CLOCK: variants seen among roughly 807,000 people sequenced by gnomAD.
CLOCK encodes the protein clock circadian regulator, also known as circadian locomoter output cycles protein kaput.
CLOCK carries 43 observed loss-of-function variants against 118.4 expected under a neutral mutation model. That is an observed-to-expected ratio of 0.36 (90% CI 0.28 to 0.47). The LOEUF (loss-of-function observed/expected upper bound fraction) is 0.47, where lower values mean the gene tolerates loss of function less well. CLOCK is among the 20% of genes least tolerant of loss of function. CLOCK has a pLI of 1.00. For missense variants in CLOCK, 846 were observed against 999.9 expected, an observed-to-expected ratio of 0.85 and a Z score of 2.08; for synonymous variants, 326 against 339.2, an observed-to-expected ratio of 0.96 and a Z score of 0.43.
In CLOCK at chr4:55,433,009, G is replaced by A. The variant is rs1722620703; in HGVS notation, c.*2406C>T. 1 of 152,570 alleles carries A rather than the reference G, an allele frequency of 6.6e-6. No homozygotes were observed. The highest frequency in any genetic ancestry group is 1.5e-5 in the Non-Finnish European group (1 of 68,040). The allele number at this position is 152,570 out of a possible 1,614,324, so 9.5% of individuals were successfully genotyped here. On this transcript the variant is annotated 3_prime_UTR_variant, in exon 23 of 23. Coordinates refer to ENST00000513440, the MANE Select transcript of CLOCK (RefSeq NM_004898.4). ...TTTTAAGTGTGGTATGTAGAGGACA[G>A]GCCTCAATATAATAGTTCTTCATAT...
intron 9 of CLOCK, among the ~76,000 whole-genome samples, chr4:55,461,836 C>T (rs1372302027): frequency 1.3e-5 from 2 of 152,172 alleles, no homozygotes; most frequent in Non-Finnish European, 2.9e-5. Context: ...AACAAAACTA[C>T]CCAAATCTCC....
chr4:55,428,166 G>A lies in CLOCK; in HGVS notation c.*7249C>T, dbSNP rs1722314443. 6.6e-6 allele frequency: 1 copy of A among 152,172 alleles called. No individual in the cohort carries two copies. The highest frequency in any genetic ancestry group is 2.1e-4 in the South Asian group (1 of 4,828). The allele number at this position is 152,172 out of a possible 1,614,324, so 9.4% of individuals were successfully genotyped here. A position where few individuals can be genotyped will look rare whatever the true frequency, so the allele number is the denominator to read the frequency against. On this transcript the variant is annotated 3_prime_UTR_variant, in exon 23 of 23. Transcript: ENST00000513440. ...GAATACATGACAAGAGTATGGGAAAGAGCAGAATAATAGTACACGCAGTTT... is the reference window on the plus strand; with the variant it reads ...GAATACATGACAAGAGTATGGGAAAAAGCAGAATAATAGTACACGCAGTTT...
At chr4:55,482,674 C>T in intron 4 of CLOCK, 65 bp downstream of exon 4, 2 of 1,067,540 alleles carry the variant, frequency 1.9e-6, no homozygotes, top group Non-Finnish European at 2.7e-6. Context: ...TCATATAGAC[C>T]ATTATTCTAA....
intron 9 of CLOCK, among the ~76,000 whole-genome samples, chr4:55,462,825 G>C (rs1725439724): frequency 6.9e-6 from 1 of 144,848 alleles, no homozygotes; most frequent in South Asian, 2.4e-4. Context: ...TCTTACCAAA[G>C]TTATAGATAC....
At chr4:55,440,050 C>G (rs1451665311) in intron 21 of CLOCK, among the ~76,000 whole-genome samples, 4 of 151,886 alleles carry the variant, frequency 2.6e-5, no homozygotes, top group African/African-American at 9.7e-5. Flanking sequence ...AAACCTTTTT[C>G]TTTTTATAAA....
intron 14 of CLOCK, 92 bp downstream of exon 14, chr4:55,453,585 T>C: frequency 9.7e-7 from 1 of 1,035,438 alleles, no homozygotes; most frequent in Non-Finnish European, 1.5e-6. Flanking sequence ...GAGCACTTTG[T>C]AGCTCTTTAA....
intron 1 of CLOCK, among the ~76,000 whole-genome samples, chr4:55,531,992 T>C (rs7657206): frequency 0.033 from 4,950 of 151,462 alleles, 278 homozygotes; most frequent in African/African-American, 0.11. Flanking sequence ...AAGTGGGATT[T>C]ATACCAGAAA....
Position 55,434,518 on chromosome 4 carries a change from C to T in CLOCK, c.*897G>A, listed in dbSNP as rs3749474. 51,426 of 152,110 alleles carry T rather than the reference C, an allele frequency of 0.34. 9,387 individuals carry two copies. The highest frequency in any genetic ancestry group is 0.58 in the East Asian group (3,017 of 5,158). 9.4% of individuals were successfully genotyped at this position (152,110 alleles called of 1,614,324 possible). A position where few individuals can be genotyped will look rare whatever the true frequency, so the allele number is the denominator to read the frequency against. ...AAGCAGTGCAAATCCTATTTTCAAACATAATTGAAAAATAATGAAATGAGG... is the reference window on the plus strand; with the variant it reads ...AAGCAGTGCAAATCCTATTTTCAAATATAATTGAAAAATAATGAAATGAGG... On this transcript the variant is annotated 3_prime_UTR_variant, in exon 23 of 23. Coordinates refer to ENST00000513440, the MANE Select transcript of CLOCK (RefSeq NM_004898.4).
intron 1 of CLOCK, among the ~76,000 whole-genome samples, chr4:55,512,776 A>AC (rs1247258021): frequency 6.6e-6 from 1 of 152,096 alleles, no homozygotes; most frequent in African/African-American, 2.4e-5. Context: ...ATTTTTTTGC[A>AC]CATAGACAGT....
At chr4:55,499,344 G>T (rs1340785990) in intron 2 of CLOCK, among the ~76,000 whole-genome samples, 1 of 152,130 alleles carries the variant, frequency 6.6e-6, no homozygotes, top group Admixed American at 6.5e-5. Context: ...CCAGCGACTG[G>T]TTTCATGCAA....
At position 55,526,946 on chromosome 4, in the gene CLOCK, C is replaced by CAAA. The variant is rs11460620; in HGVS notation, c.-289-16884_-289-16882dup. On this transcript the variant is annotated intron_variant, in intron 1 of 22. Coordinates refer to ENST00000513440, the MANE Select transcript of CLOCK (RefSeq NM_004898.4). ...CGGGTGACAGAGTGAGACTCCGTCT[C>CAAA]AAAAAAAAAAAAAAAAGCTCTAAAA... Among the ~76,000 whole-genome samples, 87 of 88,140 alleles carry CAAA rather than the reference C, an allele frequency of 9.9e-4. 4 individuals are homozygous for CAAA. The highest frequency in any genetic ancestry group is 2.7e-3 in the East Asian group (8 of 2,956). The allele number at this position is 88,140 out of a possible 152,430, so 57.8% of individuals were successfully genotyped here.
intron 20 of CLOCK, 21 bp downstream of exon 20, chr4:55,443,666 C>T (rs1261444234): frequency 6.9e-6 from 11 of 1,590,146 alleles, no homozygotes; most frequent in African/African-American, 2.7e-5. Flanking sequence ...CTCCATAGCC[C>T]GCTGTGCTCA....
chr4:55,500,385 C>G (rs1728356145), intron 2 of CLOCK, among the ~76,000 whole-genome samples: 1 of 152,100 alleles, frequency 6.6e-6, no homozygotes, highest in Non-Finnish European at 1.5e-5. Flanking sequence ...ACTCTCTCAC[C>G]AAGGCTGCAG....
At chr4:55,522,131 G>A (rs1384772523) in intron 1 of CLOCK, among the ~76,000 whole-genome samples, 4 of 152,108 alleles carry the variant, frequency 2.6e-5, no homozygotes, top group Non-Finnish European at 5.9e-5. Flanking sequence ...AATTCCAAGT[G>A]CTTCAGACCC....
intron 3 of CLOCK, among the ~76,000 whole-genome samples, chr4:55,484,187 A>AT (rs35700616): frequency 0.34 from 50,989 of 151,152 alleles, 9,248 homozygotes; most frequent in East Asian, 0.58. Flanking sequence ...GGCTCAGAAT[A>AT]TTTTTTTTTC....
chr4:55,447,477 T>C lies in CLOCK; in HGVS notation c.1539+1302A>G, dbSNP rs895380026. On this transcript the variant is annotated intron_variant, in intron 18 of 22. Transcript: ENST00000513440. ...TGATAGCAATATAGCACTTAAAGGA[T>C]TTCTATCAAGTACAAAAGAAAATAG... Among the ~76,000 whole-genome samples the C allele has an allele frequency of 2.0e-4, 30 of 152,220 alleles. 1 individual carries two copies. Among genetic ancestry groups the C allele is most frequent in the Admixed American group, 2.0e-3 (30 of 15,278 alleles).
At chr4:55,475,390 T>C (rs57778451) in intron 7 of CLOCK, among the ~76,000 whole-genome samples, 2,050 of 152,312 alleles carry the variant, frequency 0.013, 42 homozygotes, top group African/African-American at 0.047. Flanking sequence ...GTGAATACTG[T>C]TGACATGACA....
intron 14 of CLOCK, 194 bp from the exon 15 acceptor site, chr4:55,453,323 C>T: frequency 3.5e-6 from 2 of 578,116 alleles, no homozygotes; most frequent in Non-Finnish European, 6.2e-6. Context: ...AAGTTTCATA[C>T]ACTGCTGTAA....
chr4:55,448,595 C>CGTGT (rs1491431615), intron 18 of CLOCK, among the ~76,000 whole-genome samples, 184 bp downstream of exon 18: 1 of 33,246 alleles, frequency 3.0e-5, no homozygotes. Flanking sequence ...CGCGCGCGCA[C>CGTGT]GCGCGCGTGT....
Sources: allele counts gnomAD v4.1 joint callset (sites outside exome capture counted in the v4.1 genomes callset), GRCh38; gene constraint gnomAD v4.1.1; transcripts MANE v1.5; gene names NCBI Gene and HGNC (gene_info 2026-07-23, HGNC 2026-07-21).